Variants in CCDC148 observed in about 807,000 individuals in gnomAD.
CCDC148 encodes the protein coiled-coil domain-containing protein 148.
A neutral mutation model predicts 85.7 loss-of-function variants in CCDC148; 89 were observed. That is an observed-to-expected ratio of 1.04 (90% CI 0.87 to 1.24). The LOEUF (loss-of-function observed/expected upper bound fraction) is 1.24, where lower values mean the gene tolerates loss of function less well. Among genes scored for constraint, CCDC148 ranks in the 50% most tolerant of loss-of-function variants. The pLI is 0.00. For synonymous variants in CCDC148, 230 were observed against 213.9 expected (o/e 1.08, Z -0.66); for missense variants, 692 against 671.7 (o/e 1.03, Z -0.33).
At chr2:158,402,450 A>T (rs1685824631) in intron 1 of CCDC148, among the ~76,000 whole-genome samples, 1 of 150,748 alleles carries the variant, frequency 6.6e-6, no homozygotes, top group South Asian at 2.1e-4. Flanking sequence ...AAAAAAAGGT[A>T]TATCAAAACC....
At chr2:158,377,966 A>G (rs763596263) in intron 1 of CCDC148, among the ~76,000 whole-genome samples, 7 of 152,112 alleles carry the variant, frequency 4.6e-5, no homozygotes, top group African/African-American at 1.4e-4. Flanking sequence ...AGGCTAATTA[A>G]TAACCCTACA....
intron 9 of CCDC148, among the ~76,000 whole-genome samples, chr2:158,276,908 T>C (rs1009330128): frequency 1.3e-5 from 2 of 152,224 alleles, no homozygotes; most frequent in East Asian, 1.9e-4. Context: ...TGATGTTTCA[T>C]GCTAATTATC....
At chr2:158,328,561 T>C (rs1340646086) in intron 7 of CCDC148, among the ~76,000 whole-genome samples, 4 of 152,126 alleles carry the variant, frequency 2.6e-5, no homozygotes, top group African/African-American at 4.8e-5. Context: ...ATGGTATTTC[T>C]AGTTCTAGAT....
At chr2:158,190,568 T>C (rs1348853844) in intron 11 of CCDC148, among the ~76,000 whole-genome samples, 1 of 152,012 alleles carries the variant, frequency 6.6e-6, no homozygotes, top group Admixed American at 6.6e-5. Flanking sequence ...CATTTGATAC[T>C]AATTGGGTAA....
chr2:158,406,613 C>CTTTTTTTTTCTGTTTTTTTTTTTTT lies in CCDC148; in HGVS notation c.26-48044_26-48043insAAAAAAAAAAAAACAGAAAAAAAAA, dbSNP rs1559124447. Among the ~76,000 whole-genome samples the CTTTTTTTTTCTGTTTTTTTTTTTTT allele has an allele frequency of 1.1e-3, 34 of 31,436 alleles. 1 individual carries two copies. Among genetic ancestry groups the CTTTTTTTTTCTGTTTTTTTTTTTTT allele is most frequent in the East Asian group, 4.1e-3 (3 of 738 alleles). 20.6% of individuals were successfully genotyped at this position (31,436 alleles called of 152,430 possible). A position where few individuals can be genotyped will look rare whatever the true frequency, so the allele number is the denominator to read the frequency against. On this transcript the variant is annotated intron_variant, in intron 1 of 13. Transcript: ENST00000283233. Reference sequence around the variant, plus strand: ...ACAGCCAGTTAAACAGATTAAATTTCTTTTTTTTTTTTTTTTTTTTTTTTT... The same window carrying CTTTTTTTTTCTGTTTTTTTTTTTTT: ...ACAGCCAGTTAAACAGATTAAATTTCTTTTTTTTTCTGTTTTTTTTTTTTTTTTTTTTTTTTTTTTTTTTTTTTTT...
intron 1 of CCDC148, among the ~76,000 whole-genome samples, chr2:158,400,469 A>G (rs141751413): frequency 1.8e-4 from 28 of 152,302 alleles, no homozygotes; most frequent in Admixed American, 5.2e-4. Flanking sequence ...AAGGATCCCT[A>G]TTTAATCAAT....
At chr2:158,226,361 T>TGA (rs1198764367) in intron 10 of CCDC148, among the ~76,000 whole-genome samples, 19,057 of 151,902 alleles carry the variant, frequency 0.13, 1,463 homozygotes, top group African/African-American at 0.23. Context: ...TTCACAGCCA[T>TGA]ATTCTATCAG....
rs78396980 is a variant in CCDC148 at position 158,293,303 on chromosome 2, C to T, written c.1110+16130G>A. On this transcript the variant is annotated intron_variant, in intron 9 of 13. Transcript: ENST00000283233. ...CAGAGAAAGTTGCACTGGTAATATACCCTCATAGGAGCCAACACACCTTAC... is the reference window on the plus strand; with the variant it reads ...CAGAGAAAGTTGCACTGGTAATATATCCTCATAGGAGCCAACACACCTTAC... 3.2e-3 allele frequency among the ~76,000 whole-genome samples: 491 copies of T among 152,312 alleles called. 3 individuals are homozygous for T. The highest frequency in any genetic ancestry group is 0.011 in the African/African-American group (471 of 41,548).
chr2:158,302,375 G>A (rs1407945563), intron 9 of CCDC148, among the ~76,000 whole-genome samples: 1 of 152,068 alleles, frequency 6.6e-6, no homozygotes, highest in Non-Finnish European at 1.5e-5. Flanking sequence ...TGGGGAGAGT[G>A]GGCAAACTAA....
chr2:158,234,197 A>G (rs1025551529), intron 10 of CCDC148, among the ~76,000 whole-genome samples: 1 of 152,154 alleles, frequency 6.6e-6, no homozygotes, highest in South Asian at 2.1e-4. Flanking sequence ...ATTGACTTCA[A>G]AAGAATTACC....
intron 11 of CCDC148, among the ~76,000 whole-genome samples, chr2:158,212,420 C>T (rs1686628319): frequency 6.6e-6 from 1 of 152,122 alleles, no homozygotes; most frequent in Non-Finnish European, 1.5e-5. Context: ...GAAATTTGCA[C>T]ATTGTTAAGA....
intron 1 of CCDC148, among the ~76,000 whole-genome samples, chr2:158,425,615 C>A (rs985227266): frequency 6.6e-5 from 10 of 152,118 alleles, no homozygotes; most frequent in African/African-American, 2.4e-4. Context: ...CCACATGGCT[C>A]CATAAAAATA....
intron 11 of CCDC148, among the ~76,000 whole-genome samples, chr2:158,184,584 C>A (rs760281136): frequency 1.3e-5 from 2 of 152,010 alleles, no homozygotes; most frequent in African/African-American, 4.8e-5. Context: ...ATTACAGAGC[C>A]CCTTTTCAGA....
At chr2:158,254,926 C>G (rs374116519) in intron 9 of CCDC148, among the ~76,000 whole-genome samples, 9 of 149,746 alleles carry the variant, frequency 6.0e-5, no homozygotes, top group African/African-American at 1.7e-4. Flanking sequence ...GTTTACTCAC[C>G]AATTTATTTA....
intron 11 of CCDC148, among the ~76,000 whole-genome samples, chr2:158,200,962 C>T (rs1685924154): frequency 6.6e-6 from 1 of 152,066 alleles, no homozygotes; most frequent in African/African-American, 2.4e-5. Context: ...AGCCTAAACT[C>T]ACCCCATAAT....
intron 2 of CCDC148, among the ~76,000 whole-genome samples, chr2:158,353,051 T>A (rs1194096762): frequency 6.6e-6 from 1 of 151,620 alleles, no homozygotes; most frequent in Non-Finnish European, 1.5e-5. Context: ...CCACCACGCC[T>A]GCCCTAAAAG....
At chr2:158,274,055 T>C (rs1269075252) in intron 9 of CCDC148, among the ~76,000 whole-genome samples, 1 of 152,200 alleles carries the variant, frequency 6.6e-6, no homozygotes, top group Non-Finnish European at 1.5e-5. Context: ...GACCCCATAC[T>C]AGAAGCGAGA....
At chr2:158,366,736 AGTT>A (rs2105275673) in intron 1 of CCDC148, among the ~76,000 whole-genome samples, 1 of 152,298 alleles carries the variant, frequency 6.6e-6, no homozygotes, top group Admixed American at 6.5e-5. Context: ...CCTGCATTGA[AGTT>A]GTTGTCTTCA....
At chr2:158,278,532 G>A (rs1418661793) in intron 9 of CCDC148, among the ~76,000 whole-genome samples, 1 of 152,220 alleles carries the variant, frequency 6.6e-6, no homozygotes, top group Non-Finnish European at 1.5e-5. Flanking sequence ...TGCTAGCACA[G>A]CAGTCTGAGA....
Sources: allele counts gnomAD v4.1 joint callset (sites outside exome capture counted in the v4.1 genomes callset), GRCh38; gene constraint gnomAD v4.1.1; transcripts MANE v1.5; gene names NCBI Gene and HGNC (gene_info 2026-07-23, HGNC 2026-07-21).